CUL4A: variants seen among roughly 807,000 people sequenced by gnomAD.
CUL4A encodes the protein cullin-4A.
In CUL4A, 16 loss-of-function variants were observed where a neutral mutation model predicts 95.5. The ratio of observed to expected loss-of-function variants is 0.17; its 90% CI spans 0.11 to 0.25. The LOEUF (loss-of-function observed/expected upper bound fraction) is 0.25, where lower values mean the gene tolerates loss of function less well. Among genes scored for constraint, CUL4A ranks in the 10% least tolerant of loss-of-function variants. CUL4A has a pLI of 1.00. For missense variants in CUL4A, 610 were observed against 937.0 expected, an observed-to-expected ratio of 0.65 and a Z score of 4.56; for synonymous variants, 380 against 353.1, an observed-to-expected ratio of 1.08 and a Z score of -0.85.
intron 18 of CUL4A, among the ~76,000 whole-genome samples, chr13:113,256,152 A>G (rs116135079): frequency 1.3e-5 from 2 of 152,116 alleles, no homozygotes; most frequent in African/African-American, 4.8e-5. Context: ...TGAGACCCCA[A>G]ACTCTACAAA....
In CUL4A at chr13:113,210,246, G is replaced by A. The variant is rs541842424; in HGVS notation, c.264+158G>A. On this transcript the variant is annotated intron_variant, in intron 2 of 19. Coordinates refer to ENST00000375440, the MANE Select transcript of CUL4A (RefSeq NM_001008895.4). The stretch of plus-strand genomic sequence containing the variant: ...GCCGGGAGCCCCAGAGGCAACAAGT[G>A]GTTTTGTTTATTGCCGTGGTGGAAT... 3.3e-5 allele frequency among the ~76,000 whole-genome samples: 5 copies of A among 152,348 alleles called. No homozygotes were observed. The East Asian group carries it at 7.7e-4, about 24-fold the overall frequency.
intron 15 of CUL4A, among the ~76,000 whole-genome samples, chr13:113,250,508 T>C (rs2041966944): frequency 6.6e-6 from 1 of 152,172 alleles, no homozygotes; most frequent in Non-Finnish European, 1.5e-5. Flanking sequence ...AGTTTTATAG[T>C]TTTAGCTCAT....
intron 5 of CUL4A, among the ~76,000 whole-genome samples, chr13:113,232,465 C>T (rs189310781): frequency 4.6e-5 from 7 of 152,298 alleles, no homozygotes; most frequent in Admixed American, 1.3e-4. Context: ...GTGCCAATTC[C>T]GGATTTCTGG....
At chr13:113,225,514 A>G (rs1374891486) in intron 3 of CUL4A, among the ~76,000 whole-genome samples, 1 of 152,250 alleles carries the variant, frequency 6.6e-6, no homozygotes, top group African/African-American at 2.4e-5. Flanking sequence ...TTTCCATCTT[A>G]ACAAGACACT....
At chr13:113,250,559 C>T (rs1183003886) in intron 15 of CUL4A, among the ~76,000 whole-genome samples, 1 of 152,164 alleles carries the variant, frequency 6.6e-6, no homozygotes, top group East Asian at 1.9e-4. Context: ...GGACTGGTAG[C>T]TAGCACATAG....
intron 5 of CUL4A, among the ~76,000 whole-genome samples, chr13:113,231,746 G>A (rs370362218): frequency 2.0e-5 from 3 of 152,136 alleles, no homozygotes; most frequent in African/African-American, 7.2e-5. Flanking sequence ...CAGCTGCCTC[G>A]AGCCCACAAG....
At chr13:113,256,848 T>C (rs1483753493) in intron 18 of CUL4A, among the ~76,000 whole-genome samples, 2 of 151,676 alleles carry the variant, frequency 1.3e-5, no homozygotes, top group African/African-American at 4.8e-5. Flanking sequence ...GCATTCATTA[T>C]AATGTTTTTT....
intron 19 of CUL4A, 28 bp downstream of exon 19, chr13:113,260,787 T>G: frequency 1.4e-6 from 2 of 1,476,770 alleles, no homozygotes; most frequent in Non-Finnish European, 1.9e-6. Flanking sequence ...ATAATTAAAT[T>G]TGTAGTATTT....
At chr13:113,209,214 G>GCCCTCAGGAGGGTGTCCCGGCTCCCGATC (rs1374066823), upstream of CUL4A, among the ~76,000 whole-genome samples, 8 of 147,814 alleles carry the variant, frequency 5.4e-5, no homozygotes, top group East Asian at 2.1e-4. Context: ...GCGCCCCGGG[G>GCCCTCAGGAGGGTGTCCCGGCTCCCGATC]CCCTCAGGAG....
chr13:113,251,016 C>G (rs1456398463), intron 15 of CUL4A, among the ~76,000 whole-genome samples: 1 of 152,120 alleles, frequency 6.6e-6, no homozygotes, highest in African/African-American at 2.4e-5. Context: ...GACAGAAACA[C>G]AGAGAAACTA....
upstream of CUL4A, chr13:113,209,537 A>T (rs1651960937): frequency 1.4e-6 from 1 of 710,910 alleles, no homozygotes; most frequent in African/African-American, 2.1e-5. Context: ...CGCGAGGAGG[A>T]CGGGGCGGAG....
chr13:113,208,650 C>G (rs769248937), upstream of CUL4A: 4 of 1,604,514 alleles, frequency 2.5e-6, no homozygotes, highest in East Asian at 4.5e-5. Context: ...CGCCGCCGAA[C>G]GGAGAGCGCC....
At chr13:113,245,118 A>AC in intron 13 of CUL4A, 34 bp from the exon 14 acceptor site, 1 of 1,612,780 alleles carries the variant, frequency 6.2e-7, no homozygotes, top group Non-Finnish European at 8.5e-7. Context: ...CCCGTGTGTT[A>AC]CCCCGATCTC....
chr13:113,237,083 G>T (rs578201849), intron 9 of CUL4A, among the ~76,000 whole-genome samples, 193 bp downstream of exon 9: 92 of 152,280 alleles, frequency 6.0e-4, no homozygotes, highest in African/African-American at 1.6e-3. Context: ...ATAATGGAAG[G>T]CACCTAGTGG....
chr13:113,209,088 T>G (rs1466558925), upstream of CUL4A: 2 of 167,650 alleles, frequency 1.2e-5, no homozygotes, highest in African/African-American at 5.2e-5. Flanking sequence ...TCTCATAAGG[T>G]GCCTCCGCCG....
chr13:113,217,245 C>T (rs192207101), intron 2 of CUL4A, among the ~76,000 whole-genome samples: 42 of 152,172 alleles, frequency 2.8e-4, no homozygotes, highest in Admixed American at 2.5e-3. Context: ...AAACCTTTGT[C>T]GTAAAGTTCT....
chr13:113,227,946 T>A, intron 3 of CUL4A, 30 bp from the exon 4 acceptor site: 1 of 1,433,688 alleles, frequency 7.0e-7, no homozygotes, highest in Non-Finnish European at 9.7e-7. Context: ...TTGGCCAGCA[T>A]TTTTAAAGTT....
upstream of CUL4A, chr13:113,208,626 GT>G (rs989877015): frequency 2.5e-6 from 4 of 1,607,736 alleles, no homozygotes; most frequent in African/African-American, 5.4e-5. Flanking sequence ...TAATGGTAAT[GT>G]GCGCCATGGG....
intron 18 of CUL4A, among the ~76,000 whole-genome samples, chr13:113,257,105 A>G (rs1187736727): frequency 3.3e-5 from 5 of 151,798 alleles, no homozygotes; most frequent in African/African-American, 1.2e-4. Context: ...TTCTATTTTT[A>G]GTAGAGACGG....
Sources: gnomAD v4.1 joint callset for allele counts (sites outside exome capture counted in the v4.1 genomes callset) on GRCh38, gnomAD v4.1.1 for gene constraint, MANE v1.5 for transcripts, NCBI Gene and HGNC (gene_info 2026-07-23, HGNC 2026-07-21) for gene names.